FAM168B: variants seen among roughly 807,000 people sequenced by gnomAD.
FAM168B encodes family with sequence similarity 168 member B, also known as myelin-associated neurite-outgrowth inhibitor.
Under a neutral mutation model 21.8 loss-of-function variants are expected in FAM168B, and 19 were observed. The observed-to-expected ratio is 0.87, with a 90% confidence interval of 0.61 to 1.28. FAM168B has a LOEUF of 1.28. Among genes scored for constraint, FAM168B ranks in the 50% most tolerant of loss-of-function variants. FAM168B has a pLI of 0.00. For synonymous variants in FAM168B, 126 were observed against 104.8 expected (o/e 1.20, Z -1.24); for missense variants, 233 against 263.1 (o/e 0.89, Z 0.79).
chr2:131,048,738 T>TA lies in FAM168B; in HGVS notation c.*3726dup, dbSNP rs1198252885. 1 of 986,896 alleles carries TA rather than the reference T, an allele frequency of 1.0e-6. No homozygotes were observed. Among genetic ancestry groups the TA allele is most frequent in the Non-Finnish European group, 1.2e-6 (1 of 830,894 alleles). 61.1% of individuals were successfully genotyped at this position (986,896 alleles called of 1,614,324 possible). A position where few individuals can be genotyped will look rare whatever the true frequency, so the allele number is the denominator to read the frequency against. ...ATGCAGAGGTACTAGAGGGGAGAAATACGTGCTCTGCCTTCCCCCAGGCCA... is the reference window on the plus strand; with the variant it reads ...ATGCAGAGGTACTAGAGGGGAGAAATAACGTGCTCTGCCTTCCCCCAGGCCA... On this transcript the variant is annotated 3_prime_UTR_variant, in exon 7 of 7. Transcript: ENST00000389915.
chr2:131,056,724 C>G (rs780471534), intron 3 of FAM168B, among the ~76,000 whole-genome samples: 7 of 152,176 alleles, frequency 4.6e-5, no homozygotes, highest in African/African-American at 7.2e-5. Flanking sequence ...TGCATCCATA[C>G]AAATCCTACT....
intron 1 of FAM168B, among the ~76,000 whole-genome samples, chr2:131,083,880 A>AT (rs1693545843): frequency 3.2e-5 from 3 of 94,178 alleles, no homozygotes; most frequent in Admixed American, 1.9e-4. Flanking sequence ...TCCTGTATTT[A>AT]TTTATTTATT....
At chr2:131,083,486 AGCCAAGCTCAT>A (rs2105574747) in intron 1 of FAM168B, among the ~76,000 whole-genome samples, 1 of 152,230 alleles carries the variant, frequency 6.6e-6, no homozygotes, top group East Asian at 1.9e-4. Flanking sequence ...ATTAGCAGTG[AGCCAAGCTCAT>A]GCCATTGCAC....
At chr2:131,092,016 C>A (rs571403560) in intron 1 of FAM168B, among the ~76,000 whole-genome samples, 17 of 149,918 alleles carry the variant, frequency 1.1e-4, no homozygotes, top group African/African-American at 3.9e-4. Context: ...TGGTGGCGGG[C>A]GCCTGCAGTC....
At chr2:131,083,582 C>G (rs1188718000) in intron 1 of FAM168B, among the ~76,000 whole-genome samples, 1 of 152,152 alleles carries the variant, frequency 6.6e-6, no homozygotes, top group East Asian at 1.9e-4. Context: ...CCAAAATGTT[C>G]TTCTAACAGA....
At chr2:131,061,489 G>A (rs1692292848) in intron 3 of FAM168B, among the ~76,000 whole-genome samples, 1 of 151,264 alleles carries the variant, frequency 6.6e-6, no homozygotes, top group African/African-American at 2.4e-5. Context: ...ACCCCTAGAA[G>A]ATGAATTATA....
chr2:131,059,409 A>G (rs1320571865), intron 3 of FAM168B, among the ~76,000 whole-genome samples: 1 of 152,076 alleles, frequency 6.6e-6, no homozygotes, highest in Admixed American at 6.6e-5. Flanking sequence ...TTCATTTCCC[A>G]CCACCATGCA....
At chr2:131,061,516 C>T (rs534726408) in intron 3 of FAM168B, among the ~76,000 whole-genome samples, 2 of 152,176 alleles carry the variant, frequency 1.3e-5, no homozygotes, top group South Asian at 4.1e-4. Flanking sequence ...CGCAGTGGCT[C>T]ATGCCTGTAA....
chr2:131,067,991 A>T (rs942635221), intron 3 of FAM168B, among the ~76,000 whole-genome samples: 9 of 152,066 alleles, frequency 5.9e-5, no homozygotes, highest in Admixed American at 5.9e-4. Flanking sequence ...AAAGGCTGTA[A>T]CTGTACCACT....
intron 1 of FAM168B, among the ~76,000 whole-genome samples, chr2:131,089,057 C>T (rs1353006081): frequency 6.6e-6 from 1 of 151,740 alleles, no homozygotes; most frequent in African/African-American, 2.4e-5. Flanking sequence ...ACTTCTGACT[C>T]CCAGGTTCAA....
Position 131,048,265 on chromosome 2 carries a change from C to A in FAM168B, c.*4200G>T. 3.8e-6 allele frequency: 5 copies of A among 1,304,210 alleles called. No homozygotes were observed. The highest frequency in any genetic ancestry group is 5.1e-6 in the Non-Finnish European group (5 of 988,902). The allele number at this position is 1,304,210 out of a possible 1,614,324, so 80.8% of individuals were successfully genotyped here. ...CCGTGTGGCCAGCACAGCAACCCTG[C>A]TAGGAGCACAAACGGCTGGCCTGAG... is the stretch of plus-strand genomic sequence containing the variant. On this transcript the variant is annotated 3_prime_UTR_variant, in exon 7 of 7. Coordinates refer to ENST00000389915, the MANE Select transcript of FAM168B (RefSeq NM_001009993.4).
Position 131,052,950 on chromosome 2 carries a change from G to T in FAM168B, c.541C>A (p.Arg181=). Residue 181 remains arginine, a synonymous_variant, in exon 6 of 7, where the codon CGG becomes AGG. Transcript: ENST00000389915. The stretch of plus-strand genomic sequence containing the variant: ...CTGTAAGTGGGCGTTCCTGGGGCCC[G>T]GTACGTGGGCACAGTGACCGGGTGG... ...APHPVTVPTY[R]APGTPTYSYV... The T allele has an allele frequency of 6.4e-7, 1 of 1,564,026 alleles. No individual in the cohort carries two copies. Among genetic ancestry groups the T allele is most frequent in the African/African-American group, 1.4e-5 (1 of 73,884 alleles).
chr2:131,083,360 C>G (rs1558993219), intron 1 of FAM168B, among the ~76,000 whole-genome samples: 1 of 151,692 alleles, frequency 6.6e-6, no homozygotes, highest in Non-Finnish European at 1.5e-5. Flanking sequence ...CTCAAAAAAA[C>G]AAAACAAAAC....
At chr2:131,054,504 A>G (rs1691889672) in intron 5 of FAM168B, among the ~76,000 whole-genome samples, 1 of 152,222 alleles carries the variant, frequency 6.6e-6, no homozygotes, top group African/African-American at 2.4e-5. Flanking sequence ...ATTGAAGCAC[A>G]CATAATAACC....
intron 1 of FAM168B, among the ~76,000 whole-genome samples, chr2:131,090,002 A>C (rs1041846987): frequency 4.6e-5 from 7 of 151,082 alleles, no homozygotes; most frequent in African/African-American, 1.7e-4. Context: ...ACTGCACTCC[A>C]GCCTGGGCGA....
At chr2:131,083,960 G>A (rs1432762865) in intron 1 of FAM168B, among the ~76,000 whole-genome samples, 2 of 151,978 alleles carry the variant, frequency 1.3e-5, no homozygotes, top group African/African-American at 4.8e-5. Flanking sequence ...CTGGAGTGCA[G>A]TGGCATGATC....
intron 1 of FAM168B, among the ~76,000 whole-genome samples, chr2:131,085,522 C>T (rs114377701): frequency 0.018 from 2,682 of 152,206 alleles, 41 homozygotes; most frequent in South Asian, 0.053. Context: ...ATTACGAAGA[C>T]AAAATACAAA....
intron 6 of FAM168B, among the ~76,000 whole-genome samples, 151 bp downstream of exon 6, chr2:131,052,740 A>G (rs140497063): frequency 1.4e-3 from 218 of 152,342 alleles, no homozygotes; most frequent in Non-Finnish European, 2.5e-3. Flanking sequence ...TAATGTCTCA[A>G]TAAAAACAAA....
rs1191898958 is a variant in FAM168B, at chr2:131,091,356, T to C, written c.-12+1858A>G. Among the ~76,000 whole-genome samples, 7 of 137,700 alleles carry C rather than the reference T, an allele frequency of 5.1e-5. No individual in the cohort carries two copies. In the East Asian group the frequency reaches 1.5e-3, roughly 30 times the overall value. The allele number at this position is 137,700 out of a possible 152,430, so 90.3% of individuals were successfully genotyped here. A position where few individuals can be genotyped will look rare whatever the true frequency, so the allele number is the denominator to read the frequency against. On this transcript the variant is annotated intron_variant, in intron 1 of 6. Transcript: ENST00000389915. ...TGTCTCAAAAAAATAAATGAATAAA[T>C]AAAAAATAAAGCATATAGGCCGAGC... is the stretch of plus-strand genomic sequence containing the variant.
Sources: gnomAD v4.1 joint callset for allele counts (sites outside exome capture counted in the v4.1 genomes callset) on GRCh38, gnomAD v4.1.1 for gene constraint, MANE v1.5 for transcripts, NCBI Gene and HGNC (gene_info 2026-07-23, HGNC 2026-07-21) for gene names.